COL5A2: variants seen among roughly 807,000 people sequenced by gnomAD.
The protein encoded by COL5A2 is collagen alpha-2(V) chain.
Under a neutral mutation model 208.2 loss-of-function variants are expected in COL5A2, and 23 were observed. The observed-to-expected ratio is 0.11, with a 90% CI of 0.08 to 0.16. The LOEUF (loss-of-function observed/expected upper bound fraction) is 0.16, where lower values mean the gene tolerates loss of function less well. Ranked by LOEUF, COL5A2 falls within the 10% of genes least tolerant of loss-of-function variation. COL5A2 has a pLI of 1.00. For synonymous variants in COL5A2, 625 were observed against 628.5 expected, an observed-to-expected ratio of 0.99 and a Z score of 0.08; for missense variants, 1,590 against 1,956.4, an observed-to-expected ratio of 0.81 and a Z score of 3.53.
chr2:189,093,157 A>T (rs992231515), intron 6 of COL5A2, among the ~76,000 whole-genome samples: 2 of 152,110 alleles, frequency 1.3e-5, no homozygotes, highest in African/African-American at 4.8e-5. Flanking sequence ...CCTAACCCAC[A>T]TTCTGAAGGC....
chr2:189,337,913 A>C, the COL5A2 span, among the ~76,000 whole-genome samples: 1 of 152,116 alleles, frequency 6.6e-6, no homozygotes, highest in South Asian at 2.1e-4. Context: ...TCTGCAGTAG[A>C]CAGTGTTTGA....
At chr2:189,318,792 G>A in the COL5A2 span, among the ~76,000 whole-genome samples, 17 of 152,166 alleles carry the variant, frequency 1.1e-4, no homozygotes, top group Non-Finnish European at 2.4e-4. Flanking sequence ...CAAGGATAAC[G>A]TGGGGCTTGG....
chr2:189,290,022 A>C, the COL5A2 span, among the ~76,000 whole-genome samples: 2 of 152,194 alleles, frequency 1.3e-5, no homozygotes, highest in African/African-American at 4.8e-5. Flanking sequence ...GAAAAGCCAA[A>C]GCAATCTTGA....
chr2:189,232,112 T>C, the COL5A2 span, among the ~76,000 whole-genome samples: 1 of 151,776 alleles, frequency 6.6e-6, no homozygotes, highest in Non-Finnish European at 1.5e-5. Context: ...TTTAAGTAAC[T>C]CCAAGGGTTT....
intron 1 of COL5A2, among the ~76,000 whole-genome samples, chr2:189,139,825 AAC>A (rs1188075882): frequency 6.6e-6 from 1 of 152,184 alleles, no homozygotes; most frequent in Non-Finnish European, 1.5e-5. Context: ...CTGTAACCCC[AAC>A]ACTTTGGGAA....
the COL5A2 span, among the ~76,000 whole-genome samples, chr2:189,422,204 T>C: frequency 1.3e-5 from 2 of 152,188 alleles, no homozygotes. Flanking sequence ...TGGAGACATA[T>C]GAACTGCCCG....
chr2:189,322,886 G>C, the COL5A2 span, among the ~76,000 whole-genome samples: 3 of 152,128 alleles, frequency 2.0e-5, no homozygotes, highest in South Asian at 4.1e-4. Flanking sequence ...GAGAATTTTA[G>C]ACCAATATCC....
chr2:189,070,905 A>G (rs1686259463), intron 18 of COL5A2, among the ~76,000 whole-genome samples: 1 of 152,134 alleles, frequency 6.6e-6, no homozygotes, highest in Non-Finnish European at 1.5e-5. Context: ...AATGCAGGGA[A>G]AGGAATTAAG....
intron 1 of COL5A2, among the ~76,000 whole-genome samples, chr2:189,116,159 AATCATGACACTGT>A (rs1687384736): frequency 6.6e-6 from 1 of 152,200 alleles, no homozygotes; most frequent in South Asian, 2.1e-4. Context: ...GAGGGACTAT[AATCATGACACTGT>A]CAGCTGGTGG....
chr2:189,222,718 A>C (rs1319150194), intron 1 of COL5A2, among the ~76,000 whole-genome samples: 1 of 152,170 alleles, frequency 6.6e-6, no homozygotes, highest in Non-Finnish European at 1.5e-5. Flanking sequence ...GCCAAGGCAA[A>C]CCTGCCTGCT....
the COL5A2 span, among the ~76,000 whole-genome samples, chr2:189,238,150 G>A: frequency 6.7e-6 from 1 of 149,698 alleles, no homozygotes; most frequent in Admixed American, 6.6e-5. Flanking sequence ...TTCTGTTTGA[G>A]AATTTTGCAT....
At chr2:189,152,513 G>A (rs1337663930) in intron 1 of COL5A2, among the ~76,000 whole-genome samples, 1 of 152,192 alleles carries the variant, frequency 6.6e-6, no homozygotes, top group East Asian at 1.9e-4. Context: ...CTTTCCCAGA[G>A]AATTCACAGT....
intron 1 of COL5A2, among the ~76,000 whole-genome samples, chr2:189,164,047 T>A (rs1002059329): frequency 5.9e-5 from 9 of 152,078 alleles, no homozygotes; most frequent in African/African-American, 1.7e-4. Context: ...AAGTAGAGAG[T>A]CTTAAAATAC....
the COL5A2 span, among the ~76,000 whole-genome samples, chr2:189,286,092 T>C: frequency 6.6e-6 from 1 of 151,670 alleles, no homozygotes. Context: ...TCATACGTGG[T>C]TGAAAAAAAA....
chr2:189,125,578 C>T (rs6741804), intron 1 of COL5A2, among the ~76,000 whole-genome samples: 25,366 of 152,056 alleles, frequency 0.17, 3,098 homozygotes, highest in African/African-American at 0.35. Flanking sequence ...TATGATGATC[C>T]ACATCCACTT....
chr2:189,103,965 A>G lies in COL5A2; in HGVS notation c.336+299T>C, dbSNP rs578030681. 4.6e-5 allele frequency among the ~76,000 whole-genome samples: 7 copies of G among 152,134 alleles called. No individual in the cohort carries two copies. In the East Asian group the frequency reaches 1.4e-3, roughly 29 times the overall value. On this transcript the variant is annotated intron_variant, in intron 3 of 53. Transcript: ENST00000374866. ...TTCTAATATGTGCAAAGTATGTACT[A>G]TGCAATGACAAATGCAAAGAATAAA...
chr2:189,417,917 C>G, the COL5A2 span, among the ~76,000 whole-genome samples: 11 of 152,090 alleles, frequency 7.2e-5, no homozygotes, highest in Non-Finnish European at 1.5e-4. Context: ...CAGCTATTAT[C>G]ATTAATGCTG....
intron 47 of COL5A2, among the ~76,000 whole-genome samples, chr2:189,044,569 A>C (rs948040417): frequency 6.6e-6 from 1 of 152,176 alleles, no homozygotes; most frequent in Non-Finnish European, 1.5e-5. Flanking sequence ...TTGCCAGTCA[A>C]GCTCAAATTA....
chr2:189,441,042 A>C, the COL5A2 span, among the ~76,000 whole-genome samples: 1 of 152,054 alleles, frequency 6.6e-6, no homozygotes, highest in Non-Finnish European at 1.5e-5. Flanking sequence ...CAATAACTCA[A>C]CGCTGCGACC....
Sources: allele counts gnomAD v4.1 joint callset (sites outside exome capture counted in the v4.1 genomes callset), GRCh38; gene constraint gnomAD v4.1.1; transcripts MANE v1.5; gene names NCBI Gene and HGNC (gene_info 2026-07-23, HGNC 2026-07-21).